ANK2: variants seen among roughly 807,000 people sequenced by gnomAD.
ANK2 encodes ankyrin-2.
In ANK2, 83 loss-of-function variants were observed where a neutral mutation model predicts 360.5. The ratio of observed to expected loss-of-function variants is 0.23; its 90% CI spans 0.19 to 0.28. The LOEUF is 0.28. Ranked by LOEUF, ANK2 falls within the 10% of genes least tolerant of loss-of-function variation. The probability of loss-of-function intolerance (pLI) is 1.00; values close to 1 mark genes in which losing one functional copy is unlikely to be tolerated. For missense variants in ANK2, 4,201 were observed against 4,795.7 expected, an observed-to-expected ratio of 0.88 and a Z score of 3.66; for synonymous variants, 1,740 against 1,759.5, an observed-to-expected ratio of 0.99 and a Z score of 0.28.
chr4:113,244,069 A>G (rs1040045642), intron 9 of ANK2, among the ~76,000 whole-genome samples: 1 of 152,248 alleles, frequency 6.6e-6, no homozygotes, highest in Non-Finnish European at 1.5e-5. Flanking sequence ...GTGTATCTTC[A>G]TAAAAAGAGT....
At chr4:113,315,263 G>T (rs1039523425) in intron 24 of ANK2, among the ~76,000 whole-genome samples, 2 of 152,124 alleles carry the variant, frequency 1.3e-5, no homozygotes, top group African/African-American at 4.8e-5. Flanking sequence ...AGCCCAATGG[G>T]CTCTTTAATA....
At chr4:112,734,708 C>T in the ANK2 span, among the ~76,000 whole-genome samples, 1 of 152,070 alleles carries the variant, frequency 6.6e-6, no homozygotes, top group Admixed American at 6.6e-5. Context: ...GATGTTCATG[C>T]TTATTTTTAA....
Position 112,979,033 on chromosome 4 carries a change from G to A in ANK2, c.21+74519G>A, listed in dbSNP as rs144470793. On this transcript the variant is annotated intron_variant, in intron 2 of 30. Coordinates refer to the ANK2 transcript ENST00000503271. ...AACAATGTCACAGGATCCTTTGGGT[G>A]TTGCTTTTCCAGCCGGAAACCTCTG... Among the ~76,000 whole-genome samples, 1,088 of 152,310 alleles carry A rather than the reference G, an allele frequency of 7.1e-3. 5 individuals carry two copies. Among genetic ancestry groups the A allele is most frequent in the Non-Finnish European group, 9.8e-3 (666 of 68,020 alleles).
At chr4:113,372,035 A>T (rs1374952133) in intron 43 of ANK2, among the ~76,000 whole-genome samples, 1 of 152,136 alleles carries the variant, frequency 6.6e-6, no homozygotes. Flanking sequence ...GATGCCAGGG[A>T]GATGCACTAT....
At chr4:113,134,622 C>A (rs2096281033) in intron 1 of ANK2, among the ~76,000 whole-genome samples, 1 of 151,864 alleles carries the variant, frequency 6.6e-6, no homozygotes, top group Admixed American at 6.6e-5. Flanking sequence ...TCCAGGTCAG[C>A]TAAAATCAAA....
At chr4:112,975,995 T>C (rs1035375000) in intron 2 of ANK2, among the ~76,000 whole-genome samples, 2 of 152,168 alleles carry the variant, frequency 1.3e-5, no homozygotes. Flanking sequence ...ATTTAATTGG[T>C]ATTTTTTTCA....
intron 1 of ANK2, among the ~76,000 whole-genome samples, chr4:113,126,485 G>A (rs1334866527): frequency 6.6e-6 from 1 of 152,120 alleles, no homozygotes; most frequent in Non-Finnish European, 1.5e-5. Flanking sequence ...AATGTAAGTG[G>A]AACAGGTTAC....
At chr4:113,306,692 T>C (rs1362583505) in intron 23 of ANK2, among the ~76,000 whole-genome samples, 1 of 152,164 alleles carries the variant, frequency 6.6e-6, no homozygotes, top group East Asian at 1.9e-4. Context: ...ATTCCACATA[T>C]ATATATATAT....
intron 32 of ANK2, 84 bp from the exon 33 acceptor site, chr4:113,341,604 C>T: frequency 7.0e-7 from 1 of 1,420,928 alleles, no homozygotes; most frequent in Non-Finnish European, 9.9e-7. Context: ...TTGTTGACTA[C>T]TTTGATCATA....
At chr4:112,882,827 CA>C (rs1292313479) in intron 1 of ANK2, among the ~76,000 whole-genome samples, 2 of 150,428 alleles carry the variant, frequency 1.3e-5, no homozygotes, top group African/African-American at 4.9e-5. Flanking sequence ...GGATAAATTC[CA>C]AAAAAAGAAA....
At chr4:113,331,789 C>A (rs2092507270) in intron 27 of ANK2, among the ~76,000 whole-genome samples, 183 bp from the exon 28 acceptor site, 1 of 152,122 alleles carries the variant, frequency 6.6e-6, no homozygotes, top group African/African-American at 2.4e-5. Context: ...ACAGACGCGC[C>A]TCCATTGTAC....
At chr4:113,257,364 G>C (rs1196356125) in intron 11 of ANK2, among the ~76,000 whole-genome samples, 1 of 152,122 alleles carries the variant, frequency 6.6e-6, no homozygotes, top group Admixed American at 6.5e-5. Context: ...CTTTACCCCA[G>C]AGCTACCTCC....
At chr4:112,946,737 T>TTGAATCCA (rs2094568476) in intron 2 of ANK2, among the ~76,000 whole-genome samples, 3 of 152,256 alleles carry the variant, frequency 2.0e-5, no homozygotes, top group Admixed American at 1.3e-4. Flanking sequence ...GGCAGTTGTT[T>TTGAATCCA]TGAATCCATA....
intron 1 of ANK2, among the ~76,000 whole-genome samples, chr4:113,159,120 C>T (rs2097412952): frequency 6.6e-6 from 1 of 151,182 alleles, no homozygotes; most frequent in Non-Finnish European, 1.5e-5. Flanking sequence ...TGGTTTCCAC[C>T]TTCAAGTAAA....
the ANK2 span, among the ~76,000 whole-genome samples, chr4:112,721,312 G>C: frequency 6.6e-6 from 1 of 152,150 alleles, no homozygotes; most frequent in African/African-American, 2.4e-5. Flanking sequence ...GGCCAAGGCA[G>C]GTGGATCACT....
At chr4:112,907,556 C>T (rs2085668164) in intron 2 of ANK2, among the ~76,000 whole-genome samples, 1 of 152,148 alleles carries the variant, frequency 6.6e-6, no homozygotes, top group Non-Finnish European at 1.5e-5. Context: ...AATCTGGTGG[C>T]TCCATTGAAC....
the ANK2 span, among the ~76,000 whole-genome samples, chr4:112,780,940 A>G: frequency 1.3e-5 from 2 of 152,232 alleles, no homozygotes; most frequent in Admixed American, 6.5e-5. Flanking sequence ...TATTTGTTAT[A>G]CTTTAATGAC....
chr4:112,984,988 T>A (rs1387156995), intron 2 of ANK2, among the ~76,000 whole-genome samples: 2 of 152,212 alleles, frequency 1.3e-5, no homozygotes, highest in African/African-American at 2.4e-5. Context: ...TGCAGAAAAG[T>A]TGAAATAATT....
intron 2 of ANK2, among the ~76,000 whole-genome samples, chr4:112,982,627 C>G (rs1303135301): frequency 6.6e-6 from 1 of 152,136 alleles, no homozygotes; most frequent in African/African-American, 2.4e-5. Flanking sequence ...TTGAAGAGAG[C>G]TAACAAGAGA....
Sources: allele counts gnomAD v4.1 joint callset (sites outside exome capture counted in the v4.1 genomes callset), GRCh38; gene constraint gnomAD v4.1.1; transcripts MANE v1.5; gene names NCBI Gene and HGNC (gene_info 2026-07-23, HGNC 2026-07-21).